Variants in ZFAND3 observed in about 807,000 individuals in gnomAD.
ZFAND3 encodes zinc finger AN1-type containing 3.
ZFAND3 carries 10 observed loss-of-function variants against 29.6 expected under a neutral mutation model. The observed-to-expected ratio is 0.34, with a 90% CI of 0.21 to 0.57. The LOEUF is 0.57. Among genes scored for constraint, ZFAND3 ranks in the 20% least tolerant of loss-of-function variants. The probability of loss-of-function intolerance (pLI) is 0.86; values close to 1 mark genes in which losing one functional copy is unlikely to be tolerated. For missense variants in ZFAND3, 230 were observed against 304.5 expected (o/e 0.76, Z 1.82); for synonymous variants, 128 against 112.6 (o/e 1.14, Z -0.87).
chr6:37,933,883 ATTTT>A (rs58837762), intron 2 of ZFAND3, among the ~76,000 whole-genome samples: 36 of 116,490 alleles, frequency 3.1e-4, no homozygotes, highest in African/African-American at 5.4e-4. Context: ...TCTCTCTCTC[ATTTT>A]TTTTTTTTTT....
intron 2 of ZFAND3, among the ~76,000 whole-genome samples, chr6:37,977,237 G>A (rs866897981): frequency 1.3e-5 from 2 of 152,094 alleles, no homozygotes; most frequent in African/African-American, 2.4e-5. Flanking sequence ...GTTGTGTTAC[G>A]TCGTATAACT....
chr6:37,843,799 A>G (rs573605048), intron 1 of ZFAND3, among the ~76,000 whole-genome samples: 2 of 151,810 alleles, frequency 1.3e-5, no homozygotes, highest in East Asian at 1.9e-4. Flanking sequence ...CAACACTGAT[A>G]GTTTTCTGTC....
chr6:37,855,350 C>T (rs1744411863), intron 1 of ZFAND3, among the ~76,000 whole-genome samples: 1 of 150,844 alleles, frequency 6.6e-6, no homozygotes, highest in African/African-American at 2.4e-5. Flanking sequence ...TAGCGTTTCA[C>T]CATGTTGGCC....
chr6:37,864,504 T>G (rs1185369722), intron 1 of ZFAND3, among the ~76,000 whole-genome samples: 1 of 152,136 alleles, frequency 6.6e-6, no homozygotes, highest in Non-Finnish European at 1.5e-5. Flanking sequence ...CTTAATTAAA[T>G]ATGAGTACTG....
intron 2 of ZFAND3, among the ~76,000 whole-genome samples, chr6:38,012,726 G>A (rs546603505): frequency 6.6e-6 from 1 of 152,078 alleles, no homozygotes; most frequent in African/African-American, 2.4e-5. Context: ...TCCAGAAATC[G>A]TAACATGAAT....
At chr6:37,976,474 C>T (rs1045031918) in intron 2 of ZFAND3, among the ~76,000 whole-genome samples, 2 of 150,100 alleles carry the variant, frequency 1.3e-5, no homozygotes, top group Non-Finnish European at 2.9e-5. Flanking sequence ...GTCCCAGCTA[C>T]TTGGGAGGCT....
intron 4 of ZFAND3, among the ~76,000 whole-genome samples, chr6:38,101,701 G>A (rs1765095727): frequency 6.7e-6 from 1 of 149,934 alleles, no homozygotes; most frequent in Non-Finnish European, 1.5e-5. Flanking sequence ...TTGAACCTGG[G>A]AGGTGGAGGT....
intron 3 of ZFAND3, among the ~76,000 whole-genome samples, chr6:38,067,688 G>A (rs1764373852): frequency 6.6e-6 from 1 of 152,194 alleles, no homozygotes; most frequent in Admixed American, 6.5e-5. Flanking sequence ...AGAGAGAAAG[G>A]ATAATGCCAG....
At chr6:38,084,849 C>T (rs1764728004) in intron 4 of ZFAND3, among the ~76,000 whole-genome samples, 1 of 152,174 alleles carries the variant, frequency 6.6e-6, no homozygotes. Flanking sequence ...GATTTCTCAG[C>T]AATGGACATT....
intron 2 of ZFAND3, among the ~76,000 whole-genome samples, chr6:37,993,744 T>TA (rs898441363): frequency 7.2e-5 from 11 of 152,004 alleles, no homozygotes; most frequent in Admixed American, 2.6e-4. Context: ...GAATTTAAAG[T>TA]AAAAAAAAGT....
At position 37,896,207 on chromosome 6, in the gene ZFAND3, TGAAA is replaced by T. The variant is rs1223339992; in HGVS notation, c.72-33746_72-33743del. Among the ~76,000 whole-genome samples the T allele has an allele frequency of 3.3e-5, 5 of 152,310 alleles. 1 individual carries two copies. Among genetic ancestry groups the T allele is most frequent in the African/African-American group, 7.2e-5 (3 of 41,594 alleles). ...TTTCTTTTACAGTATCCTTTTTTTCTGAAAGAAAGTTTCCTTCTGTTGCCTTTGA... is the reference window on the plus strand; with the variant it reads ...TTTCTTTTACAGTATCCTTTTTTTCTGAAAGTTTCCTTCTGTTGCCTTTGA... On this transcript the variant is annotated intron_variant, in intron 1 of 5. Coordinates refer to ENST00000287218, the MANE Select transcript of ZFAND3 (RefSeq NM_021943.3).
At chr6:37,824,607 G>A (rs1763726245) in intron 1 of ZFAND3, among the ~76,000 whole-genome samples, 1 of 152,126 alleles carries the variant, frequency 6.6e-6, no homozygotes, top group South Asian at 2.1e-4. Flanking sequence ...TTGTAAATAA[G>A]CTTAAAGCGT....
chr6:37,996,557 G>GT (rs1384202785), intron 2 of ZFAND3, among the ~76,000 whole-genome samples: 8 of 151,778 alleles, frequency 5.3e-5, no homozygotes, highest in South Asian at 4.2e-4. Flanking sequence ...CCCCTAATAG[G>GT]TTTTTTTTGT....
chr6:37,967,693 T>A (rs1323326700), intron 2 of ZFAND3, among the ~76,000 whole-genome samples: 1 of 152,240 alleles, frequency 6.6e-6, no homozygotes, highest in African/African-American at 2.4e-5. Flanking sequence ...TTTTATAGTG[T>A]TCTCTTACAG....
chr6:38,146,310 T>C (rs1321932391), intron 5 of ZFAND3, among the ~76,000 whole-genome samples: 1 of 152,186 alleles, frequency 6.6e-6, no homozygotes, highest in Non-Finnish European at 1.5e-5. Flanking sequence ...CTAGTCCTGC[T>C]CTCTCTCTTC....
At chr6:38,015,538 A>C (rs905534610) in intron 2 of ZFAND3, among the ~76,000 whole-genome samples, 2 of 152,240 alleles carry the variant, frequency 1.3e-5, no homozygotes, top group African/African-American at 4.8e-5. Context: ...ACTTAGAAAC[A>C]AGCCAACTCT....
At chr6:37,945,754 A>G (rs1761889998) in intron 2 of ZFAND3, among the ~76,000 whole-genome samples, 1 of 152,242 alleles carries the variant, frequency 6.6e-6, no homozygotes, top group Non-Finnish European at 1.5e-5. Context: ...AGCAAAAATG[A>G]ATGTCTTGTC....
rs537849308 is a variant in ZFAND3 at position 37,966,150 on chromosome 6, T to C, written c.112+36151T>C. Among the ~76,000 whole-genome samples the C allele has an allele frequency of 4.6e-5, 7 of 152,130 alleles. No homozygotes were observed. In the East Asian group the frequency reaches 1.3e-3, roughly 29 times the overall value. On this transcript the variant is annotated intron_variant, in intron 2 of 5. Transcript: ENST00000287218. The stretch of plus-strand genomic sequence containing the variant: ...AAGGGGGAATGAATCATAGAAGAGG[T>C]TGGCATTTGCATTTTCCTTCTATGC...
At chr6:38,049,185 A>G (rs1313030401) in intron 2 of ZFAND3, among the ~76,000 whole-genome samples, 1 of 152,214 alleles carries the variant, frequency 6.6e-6, no homozygotes, top group Non-Finnish European at 1.5e-5. Flanking sequence ...GTTAGTGTAC[A>G]TTGTTAATGA....
Sources: allele counts gnomAD v4.1 joint callset (sites outside exome capture counted in the v4.1 genomes callset), GRCh38; gene constraint gnomAD v4.1.1; transcripts MANE v1.5; gene names NCBI Gene and HGNC (gene_info 2026-07-23, HGNC 2026-07-21).